The following ZNF69 variants were observed in gnomAD, a reference collection of about 807,000 sequenced individuals.
ZNF69 encodes the protein ZNF3.
A neutral mutation model predicts 50.9 loss-of-function variants in ZNF69; 47 were observed. That is an observed-to-expected ratio of 0.92 (90% CI 0.73 to 1.18). The LOEUF (loss-of-function observed/expected upper bound fraction) is 1.18, where lower values mean the gene tolerates loss of function less well. Ranked by LOEUF, ZNF69 falls within the 50% of genes most tolerant of loss-of-function variation. The probability of loss-of-function intolerance (pLI) is 0.00; values close to 1 mark genes in which losing one functional copy is unlikely to be tolerated. For synonymous variants in ZNF69, 216 were observed against 223.1 expected (o/e 0.97, Z 0.29); for missense variants, 717 against 675.1 (o/e 1.06, Z -0.69).
the ZNF69 span, among the ~76,000 whole-genome samples, chr19:11,942,171 C>T: frequency 6.6e-6 from 1 of 150,720 alleles, no homozygotes; most frequent in African/African-American, 2.4e-5. Context: ...GGTGTTTCCC[C>T]TCCTCTCTGC....
chr19:11,974,057 TTTCCTTC>T, the ZNF69 span, among the ~76,000 whole-genome samples: 13 of 148,548 alleles, frequency 8.8e-5, no homozygotes, highest in African/African-American at 3.4e-4. Context: ...TCTTTCTTTC[TTTCCTTC>T]TTTCTTTTCT....
At chr19:11,924,431 C>CAAAAAAAAAAAAA in the ZNF69 span, among the ~76,000 whole-genome samples, 1 of 65,202 alleles carries the variant, frequency 1.5e-5, no homozygotes, top group Admixed American at 1.7e-4. Context: ...GACTCCGTCT[C>CAAAAAAAAAAAAA]AAAAAAAAAA....
At chr19:11,966,556 TAA>T in the ZNF69 span, among the ~76,000 whole-genome samples, 1 of 152,090 alleles carries the variant, frequency 6.6e-6, no homozygotes, top group Non-Finnish European at 1.5e-5. Flanking sequence ...GTATTTTTAG[TAA>T]AGATTGGGCT....
chr19:11,938,072 T>C, the ZNF69 span, among the ~76,000 whole-genome samples: 1 of 151,890 alleles, frequency 6.6e-6, no homozygotes, highest in African/African-American at 2.4e-5. Context: ...ATTCTTGTCG[T>C]TTTTTGTTCG....
At chr19:11,967,117 T>TG in the ZNF69 span, among the ~76,000 whole-genome samples, 1 of 152,160 alleles carries the variant, frequency 6.6e-6, no homozygotes, top group Non-Finnish European at 1.5e-5. Flanking sequence ...GGAGGATCAC[T>TG]TGAGGTCAAG....
chr19:11,919,187 G>T (rs1000355618), downstream of ZNF69, among the ~76,000 whole-genome samples: 7 of 151,972 alleles, frequency 4.6e-5, no homozygotes, highest in Non-Finnish European at 7.4e-5. Context: ...GAGCCACCGC[G>T]CCTGGCCCCT....
intron 1 of ZNF69, among the ~76,000 whole-genome samples, chr19:11,895,137 G>C (rs62112976): frequency 0.024 from 3,643 of 152,320 alleles, 77 homozygotes; most frequent in Non-Finnish European, 0.039. Flanking sequence ...ATAGTTCATA[G>C]ATTGCAGCTT....
chr19:11,973,312 A>T, the ZNF69 span, among the ~76,000 whole-genome samples: 1 of 152,146 alleles, frequency 6.6e-6, no homozygotes, highest in Non-Finnish European at 1.5e-5. Context: ...GCCATTTCAG[A>T]CTTGCTTCTT....
chr19:11,976,357 A>G, the ZNF69 span, among the ~76,000 whole-genome samples: 1 of 151,438 alleles, frequency 6.6e-6, no homozygotes, highest in African/African-American at 2.4e-5. Flanking sequence ...TTCCCAACCC[A>G]CTGTGGCTTT....
the ZNF69 span, among the ~76,000 whole-genome samples, chr19:11,929,983 C>T: frequency 6.8e-6 from 1 of 148,142 alleles, no homozygotes; most frequent in Non-Finnish European, 1.5e-5. Flanking sequence ...CCTATCTTTT[C>T]CAGATTTTGA....
chr19:11,924,287 C>G, the ZNF69 span, among the ~76,000 whole-genome samples: 1 of 151,990 alleles, frequency 6.6e-6, no homozygotes, highest in East Asian at 1.9e-4. Flanking sequence ...AAAATATTAG[C>G]CGGGCGTGGT....
chr19:11,960,221 T>C, the ZNF69 span, among the ~76,000 whole-genome samples: 2 of 152,184 alleles, frequency 1.3e-5, no homozygotes, highest in Non-Finnish European at 2.9e-5. Context: ...GGTTTCACCA[T>C]GTTGGCCAGG....
In ZNF69 at chr19:11,905,700, G is replaced by A. The variant is rs1344610573; in HGVS notation, c.1303G>A (p.Gly435Ser). 11 of 1,613,822 alleles carry A rather than the reference G, an allele frequency of 6.8e-6. No homozygotes were observed. Among genetic ancestry groups the A allele is most frequent in the Non-Finnish European group, 9.3e-6 (11 of 1,180,000 alleles). ...ATCTTCCTCACACCTTCAATTGCAT[G>A]GTAGGACTCACACTGGAGAGAAGCC... ...FRSSSHLQLH[G>S]RTHTGEKPYE... Residue 435 changes from glycine to serine, a missense_variant, in exon 4 of 4, where the codon GGT (glycine) becomes AGT (serine). Transcript: ENST00000429654.
At chr19:11,948,887 A>T in the ZNF69 span, 1 of 1,603,302 alleles carries the variant, frequency 6.2e-7, no homozygotes, top group Non-Finnish European at 8.5e-7. Flanking sequence ...AAAGCATTTC[A>T]TAGTTCTAGT....
At chr19:11,926,260 T>TCCATTC in the ZNF69 span, among the ~76,000 whole-genome samples, 5 of 152,350 alleles carry the variant, frequency 3.3e-5, no homozygotes, top group African/African-American at 1.2e-4. Flanking sequence ...CTATCTATTT[T>TCCATTC]TACATGAATG....
the ZNF69 span, among the ~76,000 whole-genome samples, chr19:11,960,275 C>G: frequency 6.6e-6 from 1 of 152,162 alleles, no homozygotes; most frequent in Admixed American, 6.5e-5. Context: ...GCCTTGGCCT[C>G]CCAAAGTGCT....
chr19:11,932,546 C>G, the ZNF69 span, among the ~76,000 whole-genome samples: 1 of 147,818 alleles, frequency 6.8e-6, no homozygotes, highest in East Asian at 1.9e-4. Context: ...CGATAACTGC[C>G]TTACTTTTCT....
At chr19:11,956,496 T>C in the ZNF69 span, 2 of 398,220 alleles carry the variant, frequency 5.0e-6, no homozygotes, top group African/African-American at 4.1e-5. Flanking sequence ...TATTTTCTCA[T>C]TGAAACAGAG....
the ZNF69 span, among the ~76,000 whole-genome samples, chr19:11,926,075 AG>A: frequency 5.3e-5 from 8 of 152,094 alleles, no homozygotes; most frequent in Non-Finnish European, 8.8e-5. Context: ...AGTTTGGAGG[AG>A]GTAGGAAGGA....
Sources: allele counts gnomAD v4.1 joint callset (sites outside exome capture counted in the v4.1 genomes callset), GRCh38; gene constraint gnomAD v4.1.1; transcripts MANE v1.5; gene names NCBI Gene and HGNC (gene_info 2026-07-23, HGNC 2026-07-21).